Variants in MAP6 observed in about 807,000 individuals in gnomAD.
The protein encoded by MAP6 is microtubule associated protein 6.
In MAP6, 26 loss-of-function variants were observed where a neutral mutation model predicts 42.4. The observed-to-expected ratio is 0.61, with a 90% CI of 0.45 to 0.85. The LOEUF is 0.85. MAP6 is among the 40% of genes least tolerant of loss of function. The pLI is 0.00. For synonymous variants in MAP6, 418 were observed against 443.8 expected, an observed-to-expected ratio of 0.94 and a Z score of 0.73; for missense variants, 966 against 1,099.0, an observed-to-expected ratio of 0.88 and a Z score of 1.71.
At chr11:75,644,908 A>G (rs1943530649) in intron 1 of MAP6, among the ~76,000 whole-genome samples, 1 of 152,216 alleles carries the variant, frequency 6.6e-6, no homozygotes, top group Non-Finnish European at 1.5e-5. Context: ...CTCCAAAGAA[A>G]GAGAATCTTC....
intron 3 of MAP6, among the ~76,000 whole-genome samples, chr11:75,597,957 T>A (rs1942610594): frequency 1.3e-5 from 2 of 152,154 alleles, no homozygotes; most frequent in South Asian, 4.1e-4. Flanking sequence ...AAACTACCCA[T>A]AACATGAGCT....
chr11:75,610,135 C>T (rs1180075129), intron 1 of MAP6, among the ~76,000 whole-genome samples: 2 of 152,204 alleles, frequency 1.3e-5, no homozygotes, highest in African/African-American at 4.8e-5. Context: ...AAAAGGCCCT[C>T]ACCAGATACG....
intron 1 of MAP6, among the ~76,000 whole-genome samples, chr11:75,637,777 AAGGAAGAAGGAAAGAT>A (rs927849937): frequency 6.7e-6 from 1 of 149,010 alleles, no homozygotes; most frequent in Non-Finnish European, 1.5e-5. Context: ...TTTCTTAAGG[AAGGAAGAAGGAAAGAT>A]AGGAAGAAAG....
At chr11:75,614,754 G>C (rs950299378) in intron 1 of MAP6, among the ~76,000 whole-genome samples, 4 of 152,198 alleles carry the variant, frequency 2.6e-5, no homozygotes, top group African/African-American at 9.7e-5. Context: ...CTAAGTTTTG[G>C]AGTAATTTGT....
intron 3 of MAP6, chr11:75,604,607 T>C (rs561119537): frequency 2.0e-6 from 2 of 985,190 alleles, no homozygotes; most frequent in African/African-American, 1.7e-5. Flanking sequence ...GTTTTTTTTT[T>C]CACAACAACT....
intron 3 of MAP6, chr11:75,605,441 G>A (rs2135585697): frequency 2.9e-6 from 3 of 1,018,430 alleles, no homozygotes; most frequent in Middle Eastern, 9.8e-4. Flanking sequence ...CACAGATCTT[G>A]GGGATCTGGG....
At chr11:75,632,356 G>C (rs1269837087) in intron 1 of MAP6, among the ~76,000 whole-genome samples, 1 of 152,094 alleles carries the variant, frequency 6.6e-6, no homozygotes, top group Admixed American at 6.5e-5. Context: ...GTCTTTCCAT[G>C]TTCAGCCATC....
intron 3 of MAP6, chr11:75,594,061 G>T (rs1294659158): frequency 6.6e-6 from 1 of 152,236 alleles, no homozygotes; most frequent in African/African-American, 2.4e-5. Context: ...TAATTCCAAA[G>T]CGGGGCTTGC....
rs987487460 is a variant in MAP6 at position 75,587,214 on chromosome 11, G to C, written c.2287C>G (p.Leu763Val). The C allele has an allele frequency of 6.2e-7, 1 of 1,614,122 alleles. No homozygotes were observed. The highest frequency in any genetic ancestry group is 1.6e-4 in the Middle Eastern group (1 of 6,062). ...VPVPLKDQDPLVPVPAKDQGP... is the reference protein window; with the variant it reads ...VPVPLKDQDPVVPVPAKDQGP... Reference sequence around the variant, plus strand: ...TGGTCCTTTGCTGGTACTGGCACCAGAGGATCTTGATCCTTCAGAGGCACT... The same window carrying C: ...TGGTCCTTTGCTGGTACTGGCACCACAGGATCTTGATCCTTCAGAGGCACT... Residue 763 changes from leucine to valine, a missense_variant, in exon 4 of 4, where the codon CTG (leucine) becomes GTG (valine). Leu to Val is a conservative substitution (Grantham distance 32). Around this residue, in one of 2 missense-constraint regions of MAP6, gnomAD observed 943 missense variants for 1,049.9 expected, o/e 0.90. Transcript: ENST00000304771.
intron 1 of MAP6, among the ~76,000 whole-genome samples, chr11:75,622,940 A>T (rs1247276145): frequency 6.6e-6 from 1 of 152,242 alleles, no homozygotes; most frequent in Non-Finnish European, 1.5e-5. Flanking sequence ...CATCCATGTG[A>T]CAGTATTCAT....
chr11:75,662,625 G>T (rs2135699325), intron 1 of MAP6, among the ~76,000 whole-genome samples: 1 of 152,290 alleles, frequency 6.6e-6, no homozygotes, highest in African/African-American at 2.4e-5. Context: ...CCAGGAATCT[G>T]CATTTCAGAA....
chr11:75,605,417 A>G, intron 3 of MAP6: 2 of 1,001,998 alleles, frequency 2.0e-6, no homozygotes, highest in East Asian at 1.0e-4. Flanking sequence ...CTAAAGTTCA[A>G]AATCGACCAG....
intron 1 of MAP6, among the ~76,000 whole-genome samples, chr11:75,658,386 C>T (rs1031549049): frequency 3.6e-5 from 3 of 83,490 alleles, no homozygotes; most frequent in Non-Finnish European, 6.6e-5. Context: ...TCAGTGTATA[C>T]CATTTCTCCA....
Position 75,667,916 on chromosome 11 carries a change from G to T in MAP6, c.454C>A (p.Arg152Ser). The change falls in exon 1 of 4, where the codon CGC becomes AGC. Residue 152 changes from arginine to serine, a missense_variant. Coordinates refer to ENST00000304771, the MANE Select transcript of MAP6 (RefSeq NM_033063.2). This position sits in a 1 kb window ranked among gnomAD's most constrained non-coding sequence, Gnocchi z 5.6. ...EYQPSDAPFE[R>S]ETQYQKDFRA... is the part of the protein sequence containing the mutation. The stretch of plus-strand genomic sequence containing the variant: ...AAGTCCTTCTGGTACTGGGTCTCGC[G>T]CTCGAAGGGAGCGTCGGAGGGCTGG... The T allele has an allele frequency of 7.1e-7, 1 of 1,411,532 alleles. No individual in the cohort carries two copies. Among genetic ancestry groups the T allele is most frequent in the African/African-American group, 1.5e-5 (1 of 67,914 alleles). The allele number at this position is 1,411,532 out of a possible 1,614,324, so 87.4% of individuals were successfully genotyped here.
intron 1 of MAP6, among the ~76,000 whole-genome samples, chr11:75,616,013 G>C (rs1942988861): frequency 6.6e-6 from 1 of 152,038 alleles, no homozygotes; most frequent in East Asian, 1.9e-4. Context: ...AGAACAGAGG[G>C]GAGGCTGTGC....
At chr11:75,652,649 C>T (rs1165607404) in intron 1 of MAP6, among the ~76,000 whole-genome samples, 1 of 151,878 alleles carries the variant, frequency 6.6e-6, no homozygotes, top group Non-Finnish European at 1.5e-5. Flanking sequence ...ACCATCCTGG[C>T]CAACATGGTG....
chr11:75,630,390 T>C (rs1312024493), intron 1 of MAP6, among the ~76,000 whole-genome samples: 1 of 152,236 alleles, frequency 6.6e-6, no homozygotes, highest in African/African-American at 2.4e-5. Context: ...TTAATTGTTT[T>C]TGTAAACCAT....
chr11:75,587,922 T>C lies in MAP6; in HGVS notation c.1579A>G (p.Lys527Glu). Residue 527 changes from lysine to glutamate, a missense_variant, in exon 4 of 4, where the codon AAG becomes GAG. By Grantham distance (56) the Lys-to-Glu change is moderately conservative (BLOSUM62 1). Transcript: ENST00000304771. The stretch of plus-strand genomic sequence containing the variant: ...ACTGGGACCGAGGGACCTTGGTCCT[T>C]GACTGGTGCTGAGATAACAGGGCTT... ...NESPVISAPV[K>E]DQGPSVPVPP... The C allele has an allele frequency of 6.2e-7, 1 of 1,614,198 alleles. No homozygotes were observed. The highest frequency in any genetic ancestry group is 1.6e-4 in the Middle Eastern group (1 of 6,062).
rs1377365111 is a variant in MAP6, at chr11:75,668,028, G to A, written c.342C>T (p.Ser114=). ...GCCGCATCACCGAGTCCGCGGGGCC[G>A]GAGGTGGAGCCGGAGCCCAGGCCCG... The part of the protein sequence containing the change: ...PGPGLGSGST[S]GPADSVMRQD... The change falls in exon 1 of 4, where the codon TCC becomes TCT. Residue 114 remains serine, a synonymous_variant. Transcript: ENST00000304771. 3.9e-5 allele frequency: 48 copies of A among 1,232,876 alleles called. No homozygotes were observed. Among genetic ancestry groups the A allele is most frequent in the South Asian group, 3.0e-4 (8 of 26,574 alleles). 76.4% of individuals were successfully genotyped at this position (1,232,876 alleles called of 1,614,324 possible).
Sources: allele counts gnomAD v4.1 joint callset (sites outside exome capture counted in the v4.1 genomes callset), GRCh38; gene constraint gnomAD v4.1.1; regional missense constraint gnomAD v4.1.1; non-coding constraint Gnocchi (gnomAD v3.1); transcripts MANE v1.5; gene names NCBI Gene and HGNC (gene_info 2026-07-23, HGNC 2026-07-21).